The following MAPK8 variants were observed in gnomAD, a reference collection of about 807,000 sequenced individuals.
The protein encoded by MAPK8 is JUN N-terminal kinase.
MAPK8 carries 13 observed loss-of-function variants against 52.9 expected under a neutral mutation model. The observed-to-expected ratio is 0.25, with a 90% confidence interval of 0.16 to 0.39. The LOEUF is 0.39. Ranked by LOEUF, MAPK8 falls within the 10% of genes least tolerant of loss-of-function variation. The pLI is 1.00. For missense variants in MAPK8, 300 were observed against 519.2 expected, an observed-to-expected ratio of 0.58 and a Z score of 4.10; for synonymous variants, 191 against 169.8, an observed-to-expected ratio of 1.12 and a Z score of -0.97.
intron 1 of MAPK8, among the ~76,000 whole-genome samples, chr10:48,373,621 CTGATA>C (rs1478505516): frequency 4.0e-5 from 5 of 124,550 alleles, no homozygotes; most frequent in African/African-American, 1.6e-4. Context: ...ATCCTAGTCT[CTGATA>C]AAAGAGACTT....
intron 1 of MAPK8, among the ~76,000 whole-genome samples, chr10:48,335,048 C>T (rs1001319998): frequency 6.6e-6 from 1 of 152,154 alleles, no homozygotes; most frequent in Non-Finnish European, 1.5e-5. Context: ...GCTGACCCCT[C>T]CTCTACATTC....
chr10:48,309,600 G>T (rs1428500318), intron 1 of MAPK8, among the ~76,000 whole-genome samples: 1 of 152,182 alleles, frequency 6.6e-6, no homozygotes, highest in Middle Eastern at 3.2e-3. Context: ...AAGTGACCTT[G>T]TGAGGATGAG....
chr10:48,390,367 A>G (rs762400015), intron 1 of MAPK8, among the ~76,000 whole-genome samples: 7 of 152,196 alleles, frequency 4.6e-5, no homozygotes, highest in Non-Finnish European at 7.4e-5. Flanking sequence ...AAGTTGATGC[A>G]TAAAATTAAC....
chr10:48,334,881 A>T (rs775993449), intron 1 of MAPK8, among the ~76,000 whole-genome samples: 1 of 152,120 alleles, frequency 6.6e-6, no homozygotes, highest in Middle Eastern at 3.2e-3. Context: ...CCTAGCACGC[A>T]AGTCTCTCCC....
intron 1 of MAPK8, among the ~76,000 whole-genome samples, chr10:48,344,510 T>A (rs2132367628): frequency 6.6e-6 from 1 of 152,340 alleles, no homozygotes; most frequent in South Asian, 2.1e-4. Context: ...GCTGATAGAA[T>A]ATTTTGGTGG....
chr10:48,324,304 G>T (rs1020799842), intron 1 of MAPK8, among the ~76,000 whole-genome samples: 2 of 152,058 alleles, frequency 1.3e-5, no homozygotes, highest in Non-Finnish European at 1.5e-5. Context: ...AGGTGTTTTC[G>T]TGCATGGATA....
At chr10:48,317,625 G>A (rs992846188) in intron 1 of MAPK8, among the ~76,000 whole-genome samples, 5 of 152,232 alleles carry the variant, frequency 3.3e-5, no homozygotes, top group African/African-American at 1.2e-4. Flanking sequence ...ATTGCTGTAT[G>A]TAGGAAAGGG....
intron 5 of MAPK8, among the ~76,000 whole-genome samples, chr10:48,413,846 T>TTCA (rs1427539866): frequency 1.6e-5 from 2 of 126,846 alleles, no homozygotes; most frequent in Non-Finnish European, 3.3e-5. Context: ...TATATATATA[T>TTCA]ATATATATAT....
At chr10:48,409,080 A>G (rs922815506) in intron 3 of MAPK8, among the ~76,000 whole-genome samples, 8 of 152,054 alleles carry the variant, frequency 5.3e-5, no homozygotes, top group Admixed American at 4.6e-4. Context: ...AAACATATGA[A>G]TTGTGTGGGG....
At chr10:48,404,773 G>A (rs2042370983) in intron 2 of MAPK8, 79 bp from the exon 3 acceptor site, 4 of 1,124,158 alleles carry the variant, frequency 3.6e-6, no homozygotes, top group Non-Finnish European at 5.2e-6. Context: ...AGTGAGAAAT[G>A]TATATGACTG....
chr10:48,307,528 T>A (rs113317415), intron 1 of MAPK8, among the ~76,000 whole-genome samples: 1 of 152,052 alleles, frequency 6.6e-6, no homozygotes, highest in East Asian at 1.9e-4. Flanking sequence ...CACCCTCCCA[T>A]CTCTTTGTCT....
At chr10:48,312,075 A>G (rs1317620228) in intron 1 of MAPK8, among the ~76,000 whole-genome samples, 2 of 152,206 alleles carry the variant, frequency 1.3e-5, no homozygotes, top group African/African-American at 4.8e-5. Context: ...TTCTTTTGTC[A>G]TTGGGGCATT....
intron 1 of MAPK8, among the ~76,000 whole-genome samples, chr10:48,395,094 T>C (rs1316131719): frequency 6.6e-6 from 1 of 151,946 alleles, no homozygotes; most frequent in Non-Finnish European, 1.5e-5. Flanking sequence ...CCCAAATTGA[T>C]GTATACCATA....
intron 1 of MAPK8, among the ~76,000 whole-genome samples, chr10:48,341,046 A>G (rs995978336): frequency 6.6e-6 from 1 of 152,188 alleles, no homozygotes; most frequent in Non-Finnish European, 1.5e-5. Context: ...ATTCTGTCCA[A>G]TTTCTAGTTG....
At chr10:48,406,348 G>A (rs3827680) in intron 3 of MAPK8, among the ~76,000 whole-genome samples, 69,901 of 152,010 alleles carry the variant, frequency 0.46, 16,293 homozygotes, top group South Asian at 0.57. Context: ...GCCTGTGAAC[G>A]CAGTTCCATG....
intron 1 of MAPK8, among the ~76,000 whole-genome samples, chr10:48,365,851 A>G (rs1847982128): frequency 2.6e-5 from 4 of 152,286 alleles, no homozygotes; most frequent in Middle Eastern, 3.4e-3. Context: ...GTTGGATTAC[A>G]ATTATCTCTT....
intron 1 of MAPK8, among the ~76,000 whole-genome samples, chr10:48,344,418 C>T (rs1267427148): frequency 3.9e-5 from 6 of 152,278 alleles, no homozygotes; most frequent in Middle Eastern, 3.4e-3. Flanking sequence ...CACTAGTCAT[C>T]GATTTTTCAT....
chr10:48,395,416 C>G (rs1174314048), intron 1 of MAPK8, among the ~76,000 whole-genome samples: 3 of 151,954 alleles, frequency 2.0e-5, no homozygotes, highest in Non-Finnish European at 4.4e-5. Flanking sequence ...AACTGGTAAT[C>G]TTTTTAACAA....
chr10:48,310,826 T>C (rs74363230), intron 1 of MAPK8, among the ~76,000 whole-genome samples: 3,307 of 152,196 alleles, frequency 0.022, 52 homozygotes, highest in Non-Finnish European at 0.035. Context: ...GTAGCTTCCA[T>C]TCTTTTTCTT....
Sources: gnomAD v4.1 joint callset for allele counts (sites outside exome capture counted in the v4.1 genomes callset) on GRCh38, gnomAD v4.1.1 for gene constraint, MANE v1.5 for transcripts, NCBI Gene and HGNC (gene_info 2026-07-23, HGNC 2026-07-21) for gene names.